The following PREP variants were observed in gnomAD, a reference collection of about 807,000 sequenced individuals.
PREP encodes prolyl endopeptidase.
PREP carries 29 observed loss-of-function variants against 87.6 expected under a neutral mutation model. The observed-to-expected ratio is 0.33, with a 90% CI of 0.25 to 0.45. PREP has a LOEUF of 0.45. Among genes scored for constraint, PREP ranks in the 20% least tolerant of loss-of-function variants. PREP has a pLI of 1.00. For missense variants in PREP, 695 were observed against 886.5 expected, an observed-to-expected ratio of 0.78 and a Z score of 2.74; for synonymous variants, 337 against 328.6, an observed-to-expected ratio of 1.03 and a Z score of -0.28.
chr6:105,353,541 G>C (rs931201634), intron 6 of PREP, among the ~76,000 whole-genome samples: 10 of 151,958 alleles, frequency 6.6e-5, no homozygotes, highest in African/African-American at 2.4e-4. Context: ...GAAGCCGAGT[G>C]GGGGTGGATC....
chr6:105,297,816 C>A (rs1770440624), intron 10 of PREP, among the ~76,000 whole-genome samples: 1 of 152,024 alleles, frequency 6.6e-6, no homozygotes, highest in South Asian at 2.1e-4. Flanking sequence ...AACAAGGAGC[C>A]TGGACCTGGC....
At chr6:105,365,633 G>C (rs1772365269) in intron 6 of PREP, among the ~76,000 whole-genome samples, 1 of 152,104 alleles carries the variant, frequency 6.6e-6, no homozygotes, top group Non-Finnish European at 1.5e-5. Flanking sequence ...GTTGGGAAAG[G>C]AGGAAGGAAG....
intron 5 of PREP, among the ~76,000 whole-genome samples, chr6:105,372,765 T>G (rs1772592486): frequency 6.6e-6 from 1 of 152,200 alleles, no homozygotes; most frequent in Admixed American, 6.5e-5. Context: ...GGTTTAAAAA[T>G]TCACCTTCTC....
chr6:105,347,432 C>T (rs1036497600), intron 7 of PREP, among the ~76,000 whole-genome samples: 5 of 152,198 alleles, frequency 3.3e-5, no homozygotes, highest in African/African-American at 1.2e-4. Flanking sequence ...CTGAACCTTA[C>T]ATACAGTTGT....
Position 105,278,488 on chromosome 6 carries a change from T to A in PREP, c.1839-50A>T. The A allele has an allele frequency of 6.5e-7, 1 of 1,544,484 alleles. No individual in the cohort carries two copies. Among genetic ancestry groups the A allele is most frequent in the Non-Finnish European group, 8.9e-7 (1 of 1,129,238 alleles). Reference sequence around the variant, plus strand: ...AGGCTGGAGAGCAACAGTAGAGTTTTATGGCACAGGGACCTAGGTAGTTAA... The same window carrying A: ...AGGCTGGAGAGCAACAGTAGAGTTTAATGGCACAGGGACCTAGGTAGTTAA... On this transcript the variant is annotated intron_variant, in intron 14 of 14. Coordinates refer to ENST00000652536, the MANE Select transcript of PREP (RefSeq NM_002726.5). The surrounding 1 kb of genome is among the most constrained non-coding windows in gnomAD (Gnocchi z 4.2).
At chr6:105,355,261 T>G (rs1772066532) in intron 6 of PREP, among the ~76,000 whole-genome samples, 1 of 152,104 alleles carries the variant, frequency 6.6e-6, no homozygotes, top group South Asian at 2.1e-4. Flanking sequence ...AATTTTTGTA[T>G]TTTTAGTAGA....
chr6:105,375,781 T>C (rs1395548507), intron 4 of PREP, among the ~76,000 whole-genome samples: 1 of 152,238 alleles, frequency 6.6e-6, no homozygotes, highest in East Asian at 1.9e-4. Flanking sequence ...AAACTTCTTA[T>C]AGAAGACGAC....
intron 2 of PREP, among the ~76,000 whole-genome samples, chr6:105,382,270 AACACACACACACACACACAC>A (rs146759488): frequency 6.3e-5 from 9 of 143,016 alleles, no homozygotes; most frequent in Non-Finnish European, 1.2e-4. Context: ...AAGCGTTCTC[AACACACACACACACACACAC>A]ACACACACAC....
chr6:105,393,955 C>A, intron 2 of PREP, among the ~76,000 whole-genome samples: 1 of 149,786 alleles, frequency 6.7e-6, no homozygotes, highest in Non-Finnish European at 1.5e-5. Context: ...TGTTTGAAAT[C>A]CAGCATGTAT....
intron 8 of PREP, among the ~76,000 whole-genome samples, chr6:105,332,325 C>A (rs1433446288): frequency 6.6e-6 from 1 of 152,072 alleles, no homozygotes; most frequent in African/African-American, 2.4e-5. Context: ...GGTTTAAATA[C>A]CTTCCAGGCA....
chr6:105,346,457 C>T (rs1037285220), intron 7 of PREP, among the ~76,000 whole-genome samples: 3 of 152,142 alleles, frequency 2.0e-5, no homozygotes, highest in African/African-American at 4.8e-5. Context: ...TTTAATGACA[C>T]AAAAGCCTTA....
intron 6 of PREP, among the ~76,000 whole-genome samples, chr6:105,366,974 G>C (rs1373622037): frequency 6.6e-6 from 1 of 152,108 alleles, no homozygotes; most frequent in Non-Finnish European, 1.5e-5. Context: ...TTGTTCACAG[G>C]GTGGAGTTTC....
intron 6 of PREP, among the ~76,000 whole-genome samples, chr6:105,354,514 T>C (rs917163220): frequency 6.7e-6 from 1 of 150,198 alleles, no homozygotes; most frequent in Admixed American, 6.6e-5. Context: ...GTTTAGATGT[T>C]TGTGAAGTTT....
intron 8 of PREP, among the ~76,000 whole-genome samples, chr6:105,330,301 G>C (rs1292171931): frequency 6.6e-6 from 1 of 152,204 alleles, no homozygotes; most frequent in Non-Finnish European, 1.5e-5. Context: ...GAGCACTATT[G>C]CAACAAGCCG....
At chr6:105,355,287 T>A (rs1772067408) in intron 6 of PREP, among the ~76,000 whole-genome samples, 1 of 152,138 alleles carries the variant, frequency 6.6e-6, no homozygotes, top group African/African-American at 2.4e-5. Flanking sequence ...AGTTTCACCA[T>A]GTTGGTCAGT....
chr6:105,366,721 G>GCA (rs61565732), intron 6 of PREP, among the ~76,000 whole-genome samples: 32,734 of 152,042 alleles, frequency 0.22, 5,164 homozygotes, highest in African/African-American at 0.45. Context: ...ATAAACTGTG[G>GCA]CACACACACA....
intron 2 of PREP, among the ~76,000 whole-genome samples, chr6:105,391,039 A>G (rs1017514971): frequency 2.1e-5 from 3 of 146,218 alleles, no homozygotes; most frequent in African/African-American, 7.7e-5. Flanking sequence ...TTTTATACAC[A>G]CACACACACA....
rs142422817 is a variant in PREP, at chr6:105,278,633, T to C, written c.1839-195A>G. On this transcript the variant is annotated intron_variant, in intron 14 of 14. Transcript: ENST00000652536. The surrounding 1 kb of genome is among the most constrained non-coding windows in gnomAD (Gnocchi z 4.2). ...GGAAACTGGGGAGCTGTGTCATTTA[T>C]GTGGCTCCAACTTTGAAAGACTGTA... Among the ~76,000 whole-genome samples, 543 of 152,322 alleles carry C rather than the reference T, an allele frequency of 3.6e-3. 3 individuals are homozygous for C. Among genetic ancestry groups the C allele is most frequent in the African/African-American group, 0.012 (515 of 41,580 alleles).
At chr6:105,401,860 G>A (rs1248027495) in intron 1 of PREP, among the ~76,000 whole-genome samples, 1 of 152,160 alleles carries the variant, frequency 6.6e-6, no homozygotes, top group Non-Finnish European at 1.5e-5. Flanking sequence ...GGCATAAATT[G>A]GGAAAGTAAA....
Sources: gnomAD v4.1 joint callset for allele counts (sites outside exome capture counted in the v4.1 genomes callset) on GRCh38, gnomAD v4.1.1 for gene constraint, Gnocchi (gnomAD v3.1) non-coding constraint, MANE v1.5 for transcripts, NCBI Gene and HGNC (gene_info 2026-07-23, HGNC 2026-07-21) for gene names.